The following PHF6 variants were observed in gnomAD, a reference collection of about 807,000 sequenced individuals.
PHF6 encodes the protein PHD-like zinc finger protein.
Under a neutral mutation model 34.0 loss-of-function variants are expected in PHF6, and 7 were observed. That is an observed-to-expected ratio of 0.21 (90% CI 0.12 to 0.39). The LOEUF (loss-of-function observed/expected upper bound fraction) is 0.39, where lower values mean the gene tolerates loss of function less well. PHF6 is among the 10% of genes least tolerant of loss of function. The probability of loss-of-function intolerance (pLI) is 1.00; values close to 1 mark genes in which losing one functional copy is unlikely to be tolerated. For synonymous variants in PHF6, 89 were observed against 88.4 expected, an observed-to-expected ratio of 1.01 and a Z score of -0.04; for missense variants, 128 against 262.8, an observed-to-expected ratio of 0.49 and a Z score of 3.55.
At position 134,426,323 on chromosome X, in the gene PHF6, T is replaced by C. The variant is rs192629716; in HGVS notation, c.*663T>C. ...CTCTTGACAGCACACCTCCTCTCTT[T>C]CCATGTTATACAAAGGACTTCTGGC... On this transcript the variant is annotated 3_prime_UTR_variant, in exon 11 of 11. Transcript: ENST00000370803. The C allele has an allele frequency of 1.7e-4, 28 of 161,077 alleles. No homozygotes were observed. The highest frequency in any genetic ancestry group is 2.9e-4 in the Non-Finnish European group (24 of 82,758). 13.3% of individuals were successfully genotyped at this position (161,077 alleles called of 1,213,427 possible).
chrX:134,383,119 A>T (rs2077314761), intron 3 of PHF6, among the ~76,000 whole-genome samples: 1 of 110,497 alleles, frequency 9.1e-6, no homozygotes, highest in South Asian at 3.9e-4. Context: ...ATGTTCCTGT[A>T]GACCTAGCTA....
At chrX:134,416,600 G>A (rs369711867) in intron 8 of PHF6, among the ~76,000 whole-genome samples, 19 of 111,818 alleles carry the variant, frequency 1.7e-4, no homozygotes, top group Admixed American at 6.7e-4. Context: ...GCAATAAAGT[G>A]ATCTGCTTAA....
At chrX:134,406,630 G>A (rs753010616) in intron 5 of PHF6, among the ~76,000 whole-genome samples, 1 of 111,500 alleles carries the variant, frequency 9.0e-6, no homozygotes, top group East Asian at 2.8e-4. Flanking sequence ...GAGAACAGAA[G>A]GGTAATAGAG....
intron 5 of PHF6, among the ~76,000 whole-genome samples, chrX:134,396,781 C>T (rs1379023908): frequency 9.2e-6 from 1 of 109,023 alleles, no homozygotes; most frequent in Non-Finnish European, 1.9e-5. Context: ...CCAATTATTC[C>T]ATTGTTCTAA....
Position 134,392,945 on chromosome X carries a change from C to T in PHF6, c.241-556C>T, listed in dbSNP as rs535778590. Among the ~76,000 whole-genome samples, 7 of 110,773 alleles carry T rather than the reference C, an allele frequency of 6.3e-5. No homozygotes were observed. The South Asian group carries it at 1.1e-3, about 18-fold the overall frequency. On this transcript the variant is annotated intron_variant, in intron 3 of 10. Coordinates refer to ENST00000370803, the MANE Select transcript of PHF6 (RefSeq NM_001015877.2). ...CCAAGTAGCTGGGATTAGAGGCATG[C>T]GCCACCACACCCCAGCTAATTTTTT...
At chrX:134,397,826 C>G in intron 5 of PHF6, among the ~76,000 whole-genome samples, 1 of 111,320 alleles carries the variant, frequency 9.0e-6, no homozygotes, top group Non-Finnish European at 1.9e-5. Flanking sequence ...GGGTCTCTGC[C>G]CCAAAGAGCT....
At chrX:134,394,069 A>G (rs2077366121) in intron 5 of PHF6, 117 bp downstream of exon 5, 1 of 661,416 alleles carries the variant, frequency 1.5e-6, no homozygotes, top group African/African-American at 2.2e-5. Flanking sequence ...CATTCAGTAC[A>G]TTTAGAAGAA....
chrX:134,400,564 A>AAGAGGATAAG (rs2077399098), intron 5 of PHF6, among the ~76,000 whole-genome samples: 1 of 110,319 alleles, frequency 9.1e-6, no homozygotes. Flanking sequence ...AGAGGGAACG[A>AAGAGGATAAG]AGAGGATAAG....
chrX:134,402,678 T>G (rs886925556), intron 5 of PHF6, among the ~76,000 whole-genome samples: 3 of 112,447 alleles, frequency 2.7e-5, no homozygotes, highest in Admixed American at 9.4e-5. Flanking sequence ...CACTTCAGTT[T>G]ATTGTGCTTC....
At chrX:134,412,462 A>G (rs1204731647) in intron 5 of PHF6, among the ~76,000 whole-genome samples, 1 of 111,873 alleles carries the variant, frequency 8.9e-6, no homozygotes, top group Non-Finnish European at 1.9e-5. Flanking sequence ...GTCTGAGCAT[A>G]GGAGTTGATA....
At chrX:134,402,106 CT>C (rs750236488) in intron 5 of PHF6, among the ~76,000 whole-genome samples, 38 of 111,500 alleles carry the variant, frequency 3.4e-4, no homozygotes, top group East Asian at 8.4e-4. Flanking sequence ...AGTGATTTTC[CT>C]GCCTCAGCCT....
Position 134,380,467 on chromosome X carries a change from A to G in PHF6, c.240+2361A>G, listed in dbSNP as rs1309468633. Among the ~76,000 whole-genome samples, 3 of 111,723 alleles carry G rather than the reference A, an allele frequency of 2.7e-5. No homozygotes were observed. In the Admixed American group the frequency reaches 2.8e-4, roughly 11 times the overall value. On this transcript the variant is annotated intron_variant, in intron 3 of 10. Coordinates refer to ENST00000370803, the MANE Select transcript of PHF6 (RefSeq NM_001015877.2). ...ATTCGTTAAAGCATCAGAACTTTGTATGAGTTTTACTATTATAAATTGTTT... is the reference window on the plus strand; with the variant it reads ...ATTCGTTAAAGCATCAGAACTTTGTGTGAGTTTTACTATTATAAATTGTTT...
At position 134,417,228 on chromosome X, in the gene PHF6, T is replaced by C. The variant is rs1427639304; in HGVS notation, c.894T>C (p.Val298=). The C allele has an allele frequency of 8.3e-7, 1 of 1,207,568 alleles. No individual in the cohort carries two copies. Among genetic ancestry groups the C allele is most frequent in the Non-Finnish European group, 1.1e-6 (1 of 892,808 alleles). ...TTGGATGTGAAATAAAAGCCTGTGT[T>C]AAGACTTACCATTACCACTGTGGAG... ...ATIGCEIKAC[V]KTYHYHCGVQ... Residue 298 remains valine, a synonymous_variant, in exon 9 of 11, where the codon GTT becomes GTC. Coordinates refer to ENST00000370803, the MANE Select transcript of PHF6 (RefSeq NM_001015877.2).
intron 10 of PHF6, 85 bp downstream of exon 10, chrX:134,425,415 A>AT (rs975026595): frequency 1.9e-5 from 20 of 1,066,146 alleles, no homozygotes; most frequent in African/African-American, 5.5e-5. Flanking sequence ...ATGCAGTAAG[A>AT]TTTTTTTTAA....
At chrX:134,422,942 G>A (rs1389944908) in intron 9 of PHF6, among the ~76,000 whole-genome samples, 2 of 111,924 alleles carry the variant, frequency 1.8e-5, no homozygotes, top group East Asian at 2.8e-4. Context: ...TTAAAAAGAC[G>A]ATTTTCAAAT....
chrX:134,425,278 A>G lies in PHF6; in HGVS notation c.1046A>G (p.Lys349Arg). ...GAACGAGAGAGTAAAAGCCGAGGAAAAGTAGAAATTGATCAGCAACAACTA... is the reference window on the plus strand; with the variant it reads ...GAACGAGAGAGTAAAAGCCGAGGAAGAGTAGAAATTGATCAGCAACAACTA... ...DEERESKSRG[K>R]VEIDQQQLTQ... The change falls in exon 10 of 11, where the codon AAA becomes AGA. Residue 349 changes from lysine to arginine, a missense_variant. Transcript: ENST00000370803. 1 of 1,211,306 alleles carries G rather than the reference A, an allele frequency of 8.3e-7. No homozygotes were observed. The highest frequency in any genetic ancestry group is 1.1e-6 in the Non-Finnish European group (1 of 895,075).
rs2077453295 is a variant in PHF6, at chrX:134,412,012, G to A, written c.419-1479G>A. Among the ~76,000 whole-genome samples, 4 of 112,382 alleles carry A rather than the reference G, an allele frequency of 3.6e-5. No individual in the cohort carries two copies. The South Asian group carries it at 1.5e-3, about 41-fold the overall frequency. On this transcript the variant is annotated intron_variant, in intron 5 of 10. Coordinates refer to ENST00000370803, the MANE Select transcript of PHF6 (RefSeq NM_001015877.2). ...CTCCCAAAGTGCTGGGATTACAGGC[G>A]TGAGCCACCACGCCCAGCCAAGTGC... is the stretch of plus-strand genomic sequence containing the variant.
intron 4 of PHF6, 31 bp from the exon 5 acceptor site, chrX:134,393,878 T>C (rs1334217076): frequency 8.5e-7 from 1 of 1,178,251 alleles, no homozygotes; most frequent in Admixed American, 2.2e-5. Flanking sequence ...TTAGTTTGCT[T>C]ACTAATTTTT....
intron 1 of PHF6, among the ~76,000 whole-genome samples, chrX:134,376,754 C>CT (rs1331199397): frequency 9.0e-6 from 1 of 111,549 alleles, no homozygotes; most frequent in Non-Finnish European, 1.9e-5. Flanking sequence ...ATAATTGGGT[C>CT]TTAAAGTCTG....
Sources: allele counts gnomAD v4.1 joint callset (sites outside exome capture counted in the v4.1 genomes callset), GRCh38; gene constraint gnomAD v4.1.1; transcripts MANE v1.5; gene names NCBI Gene and HGNC (gene_info 2026-07-23, HGNC 2026-07-21).